Variants in DLG1 observed in about 807,000 individuals in gnomAD.
DLG1 encodes discs large MAGUK scaffold protein 1, also known as disks large homolog 1.
DLG1 carries 42 observed loss-of-function variants against 123.4 expected under a neutral mutation model. The observed-to-expected ratio is 0.34, with a 90% CI of 0.27 to 0.44. The LOEUF is 0.44. Among genes scored for constraint, DLG1 ranks in the 20% least tolerant of loss-of-function variants. The pLI is 1.00. For missense variants in DLG1, 942 were observed against 1,082.6 expected (o/e 0.87, Z 1.82); for synonymous variants, 317 against 356.2 (o/e 0.89, Z 1.24).
chr3:197,160,588 A>C (rs1798404400), intron 5 of DLG1, among the ~76,000 whole-genome samples: 1 of 152,086 alleles, frequency 6.6e-6, no homozygotes, highest in African/African-American at 2.4e-5. Flanking sequence ...AAAATTATAT[A>C]GTAGCAGTAT....
chr3:197,225,507 A>G (rs1348663328), intron 4 of DLG1, among the ~76,000 whole-genome samples: 1 of 152,232 alleles, frequency 6.6e-6, no homozygotes, highest in Non-Finnish European at 1.5e-5. Context: ...TGCCACAAGC[A>G]GTTTCTTCCA....
chr3:197,090,732 A>C (rs1388477625), intron 15 of DLG1, among the ~76,000 whole-genome samples, 180 bp downstream of exon 15: 4 of 152,120 alleles, frequency 2.6e-5, no homozygotes, highest in Admixed American at 1.3e-4. Flanking sequence ...AAAATTATTA[A>C]TACAATAATA....
rs180863236 is a variant in DLG1 at position 197,155,944 on chromosome 3, G to A, written c.484-6148C>T. ...AGCCTGGGCTACAGAATGAGACCCT[G>A]CCTATAAATAAATAAATAAATAAGC... On this transcript the variant is annotated intron_variant, in intron 5 of 24. Transcript: ENST00000667157. Among the ~76,000 whole-genome samples, 112 of 150,334 alleles carry A rather than the reference G, an allele frequency of 7.5e-4. No homozygotes were observed. The Middle Eastern group carries it at 0.01, about 14-fold the overall frequency.
At position 197,173,007 on chromosome 3, in the gene DLG1, T is replaced by C. The variant is rs556709262; in HGVS notation, c.483+21418A>G. ...CACTAATTTCAGCTTGGGTCCTTTG[T>C]TCCCCTACAGGTAGCTACTTCTGTA... is the stretch of plus-strand genomic sequence containing the variant. On this transcript the variant is annotated intron_variant, in intron 5 of 24. Coordinates refer to ENST00000667157, the MANE Select transcript of DLG1 (RefSeq NM_001366207.1). Among the ~76,000 whole-genome samples, 5 of 152,298 alleles carry C rather than the reference T, an allele frequency of 3.3e-5. No individual in the cohort carries two copies. In the South Asian group the frequency reaches 8.3e-4, roughly 25 times the overall value.
intron 4 of DLG1, among the ~76,000 whole-genome samples, chr3:197,269,155 ATTG>A (rs1396243691): frequency 2.0e-5 from 3 of 151,910 alleles, no homozygotes; most frequent in African/African-American, 7.3e-5. Flanking sequence ...TAGTAACATA[ATTG>A]TTAATATTTA....
chr3:197,050,810 G>A (rs995292278), intron 24 of DLG1, among the ~76,000 whole-genome samples: 6 of 152,128 alleles, frequency 3.9e-5, no homozygotes, highest in Non-Finnish European at 7.4e-5. Context: ...ACACAAAATG[G>A]TAACTGTGTG....
chr3:197,278,654 T>G (rs1767713194), intron 4 of DLG1, among the ~76,000 whole-genome samples: 1 of 151,234 alleles, frequency 6.6e-6, no homozygotes. Flanking sequence ...TTAAATTTAC[T>G]ACATCAGAAG....
chr3:197,178,402 C>G (rs376410728), intron 5 of DLG1, among the ~76,000 whole-genome samples: 1 of 152,060 alleles, frequency 6.6e-6, no homozygotes, highest in Non-Finnish European at 1.5e-5. Context: ...GAATGGCATA[C>G]TGAATAAAGA....
chr3:197,149,610 C>T, intron 6 of DLG1, 133 bp downstream of exon 6: 2 of 682,326 alleles, frequency 2.9e-6, no homozygotes, highest in South Asian at 1.8e-5. Context: ...GCAATTACAG[C>T]TATAGTATAT....
intron 12 of DLG1, among the ~76,000 whole-genome samples, chr3:197,116,473 T>TA (rs1773365721): frequency 6.6e-6 from 1 of 152,214 alleles, no homozygotes; most frequent in African/African-American, 2.4e-5. Flanking sequence ...CCTTTTGTCT[T>TA]AGAGAAGGCA....
chr3:197,213,698 T>G, intron 4 of DLG1, among the ~76,000 whole-genome samples: 1 of 152,256 alleles, frequency 6.6e-6, no homozygotes, highest in East Asian at 1.9e-4. Context: ...TGAAGAAAAC[T>G]TCAAAATGCT....
chr3:197,083,102 A>G (rs1207128232), intron 16 of DLG1, among the ~76,000 whole-genome samples: 2 of 152,224 alleles, frequency 1.3e-5, no homozygotes, highest in Non-Finnish European at 2.9e-5. Context: ...CTGCATTGCT[A>G]AAAGAGGATT....
intron 24 of DLG1, among the ~76,000 whole-genome samples, chr3:197,045,819 C>CA (rs1722639123): frequency 6.6e-6 from 1 of 152,066 alleles, no homozygotes; most frequent in African/African-American, 2.4e-5. Flanking sequence ...TACTAAACTA[C>CA]AAAAAAATGC....
intron 22 of DLG1, among the ~76,000 whole-genome samples, chr3:197,063,717 T>C (rs2148862844): frequency 6.6e-6 from 1 of 152,284 alleles, no homozygotes; most frequent in East Asian, 1.9e-4. Flanking sequence ...TGTTGGGGTA[T>C]ATCTTTGGAA....
In DLG1 at chr3:197,060,018, G is replaced by GAAAAAAAACAAGTGAGCCAA; in HGVS notation, c.2374-40_2374-21dup. ...TTTGCCCTAAAATAAAGGGAACAAA[G>GAAAAAAAACAAGTGAGCCAA]AAAAAAAACAAGTGAGCCAAATATT... is the stretch of plus-strand genomic sequence containing the variant. On this transcript the variant is annotated intron_variant, in intron 22 of 24. Transcript: ENST00000667157. 6.4e-7 allele frequency: 1 copy of GAAAAAAAACAAGTGAGCCAA among 1,570,208 alleles called. No homozygotes were observed. The highest frequency in any genetic ancestry group is 1.2e-5 in the South Asian group (1 of 86,836).
At chr3:197,111,166 T>G (rs369149053) in intron 13 of DLG1, among the ~76,000 whole-genome samples, 8 of 152,334 alleles carry the variant, frequency 5.3e-5, no homozygotes, top group African/African-American at 1.9e-4. Context: ...AATGCTGTAT[T>G]TAACTGCACT....
rs369604820 is a variant in DLG1, at chr3:197,282,676, C to T, written c.318+3G>A. On this transcript the variant is annotated splice_donor_region_variant and intron_variant, in intron 4 of 24. Transcript: ENST00000667157. ...CAGCTTCAGAACACATTTTTTATCT[C>T]ACCTCTACACTAGGGCTAAGGCTGC... The T allele has an allele frequency of 2.0e-6, 3 of 1,537,694 alleles. No homozygotes were observed. The highest frequency in any genetic ancestry group is 2.8e-5 in the African/African-American group (2 of 71,946).
chr3:197,188,610 A>G (rs567262473), intron 5 of DLG1, among the ~76,000 whole-genome samples: 1 of 152,344 alleles, frequency 6.6e-6, no homozygotes, highest in African/African-American at 2.4e-5. Flanking sequence ...TGTTAATTCT[A>G]AGATACTTTT....
At chr3:197,086,253 CAG>C (rs1426638481) in intron 15 of DLG1, among the ~76,000 whole-genome samples, 1 of 152,116 alleles carries the variant, frequency 6.6e-6, no homozygotes, top group Non-Finnish European at 1.5e-5. Flanking sequence ...ATAGAGTTTT[CAG>C]AGTCAGTAAC....
Sources: allele counts gnomAD v4.1 joint callset (sites outside exome capture counted in the v4.1 genomes callset), GRCh38; gene constraint gnomAD v4.1.1; transcripts MANE v1.5; gene names NCBI Gene and HGNC (gene_info 2026-07-23, HGNC 2026-07-21).